The following ZFHX3 variants were observed in gnomAD, a reference collection of about 807,000 sequenced individuals.
ZFHX3 encodes the protein zinc finger homeobox protein 3.
ZFHX3 carries 42 observed loss-of-function variants against 279.1 expected under a neutral mutation model. That is an observed-to-expected ratio of 0.15 (90% confidence interval 0.12 to 0.19). The LOEUF (loss-of-function observed/expected upper bound fraction) is 0.19. Ranked by LOEUF, ZFHX3 falls within the 10% of genes least tolerant of loss-of-function variation. The pLI is 1.00. For synonymous variants in ZFHX3, 2,293 were observed against 1,957.8 expected, an observed-to-expected ratio of 1.17 and a Z score of -4.52; for missense variants, 4,981 against 4,754.0, an observed-to-expected ratio of 1.05 and a Z score of -1.40.
In ZFHX3 at chr16:72,787,692, C is replaced by CGAGCCGCCG. The variant is rs2035468739; in HGVS notation, c.10575_10583dup (p.Gly3526_Ser3528dup). The CGAGCCGCCG allele has an allele frequency of 6.9e-7, 1 of 1,442,032 alleles. No homozygotes were observed. Among genetic ancestry groups the CGAGCCGCCG allele is most frequent in the Non-Finnish European group, 9.1e-7 (1 of 1,094,636 alleles). 89.3% of individuals were successfully genotyped at this position (1,442,032 alleles called of 1,614,324 possible). A position where few individuals can be genotyped will look rare whatever the true frequency, so the allele number is the denominator to read the frequency against. On this transcript the variant is annotated inframe_insertion, in exon 10 of 10. Coordinates refer to ENST00000268489, the MANE Select transcript of ZFHX3 (RefSeq NM_006885.4). ...CGCTCTCGCACGCCAGGCAGTGGTA[C>CGAGCCGCCG]GAGCCGCCGCCGCCGCCGCCGCCGC...
At chr16:72,830,041 G>A (rs1567537396) in intron 4 of ZFHX3, among the ~76,000 whole-genome samples, 182 bp from the exon 5 acceptor site, 2 of 152,118 alleles carry the variant, frequency 1.3e-5, no homozygotes, top group Admixed American at 6.5e-5. Flanking sequence ...GTAAGCAGTG[G>A]GGACTTTCCT....
intron 2 of ZFHX3, among the ~76,000 whole-genome samples, chr16:73,677,451 G>A (rs1308309463): frequency 6.6e-6 from 1 of 151,652 alleles, no homozygotes; most frequent in African/African-American, 2.4e-5. Context: ...AACAAAAAAT[G>A]AATTAACTAA....
chr16:73,509,196 C>G (rs1324996188), intron 2 of ZFHX3, among the ~76,000 whole-genome samples: 3 of 152,130 alleles, frequency 2.0e-5, no homozygotes, highest in Non-Finnish European at 4.4e-5. Flanking sequence ...TTGGCTTTGA[C>G]AATTACGTTC....
intron 3 of ZFHX3, among the ~76,000 whole-genome samples, chr16:73,444,435 T>G (rs1197694472): frequency 6.6e-6 from 1 of 152,236 alleles, no homozygotes; most frequent in African/African-American, 2.4e-5. Flanking sequence ...TGGAAATCTT[T>G]TAAGTTTTTT....
At chr16:73,145,693 G>A (rs189126315) in intron 5 of ZFHX3, among the ~76,000 whole-genome samples, 38 of 152,366 alleles carry the variant, frequency 2.5e-4, no homozygotes, top group African/African-American at 6.0e-4. Context: ...GGTGACGCAT[G>A]GCCACAGACT....
chr16:72,915,294 A>C (rs1456923142), intron 3 of ZFHX3, among the ~76,000 whole-genome samples: 1 of 152,188 alleles, frequency 6.6e-6, no homozygotes. Context: ...ACAAATTCTA[A>C]TACTATATTG....
At chr16:73,321,795 A>T (rs1033352980) in intron 3 of ZFHX3, among the ~76,000 whole-genome samples, 2 of 152,080 alleles carry the variant, frequency 1.3e-5, no homozygotes, top group African/African-American at 4.8e-5. Flanking sequence ...TCTCCCCCAA[A>T]GGGTAGGCGG....
At chr16:72,929,810 G>A (rs146981521) in intron 3 of ZFHX3, among the ~76,000 whole-genome samples, 1 of 152,350 alleles carries the variant, frequency 6.6e-6, no homozygotes, top group African/African-American at 2.4e-5. Flanking sequence ...CTCATCAGCT[G>A]TGGGAAAGGA....
At chr16:73,135,545 G>A (rs959370017) in intron 6 of ZFHX3, among the ~76,000 whole-genome samples, 2 of 152,120 alleles carry the variant, frequency 1.3e-5, no homozygotes, top group Admixed American at 6.5e-5. Flanking sequence ...GTTCCGAATC[G>A]CTCACTTCTC....
chr16:72,818,271 C>G (rs2036673184), intron 5 of ZFHX3, among the ~76,000 whole-genome samples: 1 of 152,200 alleles, frequency 6.6e-6, no homozygotes, highest in Non-Finnish European at 1.5e-5. Context: ...TCCCACTAGA[C>G]AGCAGAAATG....
At chr16:72,935,277 A>C (rs982798191) in intron 3 of ZFHX3, among the ~76,000 whole-genome samples, 3 of 152,108 alleles carry the variant, frequency 2.0e-5, no homozygotes, top group African/African-American at 7.2e-5. Flanking sequence ...TGCCACCAAA[A>C]ATGTGGTTCT....
At chr16:73,342,013 T>G (rs2016041214) in intron 3 of ZFHX3, among the ~76,000 whole-genome samples, 1 of 152,228 alleles carries the variant, frequency 6.6e-6, no homozygotes, top group South Asian at 2.1e-4. Context: ...CAGATATATG[T>G]GAATATACTA....
intron 4 of ZFHX3, among the ~76,000 whole-genome samples, chr16:72,876,801 T>C (rs2038327223): frequency 6.6e-6 from 1 of 152,082 alleles, no homozygotes; most frequent in African/African-American, 2.4e-5. Flanking sequence ...TTAAAATAAA[T>C]TAAATTTGTC....
intron 1 of ZFHX3, among the ~76,000 whole-genome samples, chr16:73,058,282 G>A (rs1253637334): frequency 1.4e-5 from 2 of 142,618 alleles, no homozygotes; most frequent in Non-Finnish European, 3.1e-5. Context: ...GGAGGAAGAA[G>A]AAGAGAAAGA....
chr16:73,307,452 T>C (rs1392448080), intron 4 of ZFHX3, among the ~76,000 whole-genome samples: 1 of 152,192 alleles, frequency 6.6e-6, no homozygotes, highest in Non-Finnish European at 1.5e-5. Flanking sequence ...TTAAAAGAAC[T>C]CTCTTGTTTC....
chr16:73,691,198 A>C (rs368220463), intron 1 of ZFHX3, among the ~76,000 whole-genome samples: 7 of 152,364 alleles, frequency 4.6e-5, no homozygotes, highest in African/African-American at 1.7e-4. Context: ...TTCTAAAGAC[A>C]GTCCTGGTGG....
chr16:73,814,394 T>A (rs1252528760), intron 1 of ZFHX3, among the ~76,000 whole-genome samples: 1 of 150,514 alleles, frequency 6.6e-6, no homozygotes, highest in East Asian at 2.0e-4. Flanking sequence ...TTTCAGATGG[T>A]GGAGATCATT....
intron 3 of ZFHX3, among the ~76,000 whole-genome samples, chr16:73,451,773 G>A (rs775002651): frequency 5.9e-5 from 9 of 152,230 alleles, no homozygotes; most frequent in East Asian, 1.9e-4. Flanking sequence ...TTTAAAAAAC[G>A]GAACTAAATA....
intron 7 of ZFHX3, among the ~76,000 whole-genome samples, chr16:73,121,540 A>G (rs888673199): frequency 6.6e-6 from 1 of 152,162 alleles, no homozygotes; most frequent in Non-Finnish European, 1.5e-5. Context: ...CAGGCTAGGC[A>G]CAGTGGCCTT....
Sources: allele counts gnomAD v4.1 joint callset (sites outside exome capture counted in the v4.1 genomes callset), GRCh38; gene constraint gnomAD v4.1.1; transcripts MANE v1.5; gene names NCBI Gene and HGNC (gene_info 2026-07-23, HGNC 2026-07-21).